Variants in FYB1 observed in about 807,000 individuals in gnomAD.
The protein encoded by FYB1 is FYN binding protein 1.
In FYB1, 41 loss-of-function variants were observed where a neutral mutation model predicts 94.1. That is an observed-to-expected ratio of 0.44 (90% confidence interval 0.34 to 0.57). The LOEUF is 0.57. FYB1 is among the 20% of genes least tolerant of loss of function. FYB1 has a pLI of 0.02. For missense variants in FYB1, 1,050 were observed against 976.8 expected (o/e 1.07, Z -1.00); for synonymous variants, 367 against 353.2 (o/e 1.04, Z -0.44).
chr5:39,255,914 C>A (rs1364559000), intron 1 of FYB1, among the ~76,000 whole-genome samples: 1 of 152,208 alleles, frequency 6.6e-6, no homozygotes, highest in East Asian at 1.9e-4. Flanking sequence ...AAGGCTTCCA[C>A]ACTCAACCAG....
intron 1 of FYB1, among the ~76,000 whole-genome samples, chr5:39,256,045 G>T (rs1223411138): frequency 6.6e-6 from 1 of 152,152 alleles, no homozygotes; most frequent in African/African-American, 2.4e-5. Flanking sequence ...CCGTTAAATA[G>T]AATCTTTCTT....
chr5:39,195,761 A>T (rs1043039787), intron 2 of FYB1, among the ~76,000 whole-genome samples: 2 of 152,248 alleles, frequency 1.3e-5, no homozygotes, highest in Admixed American at 1.3e-4. Flanking sequence ...ACCAATAGTC[A>T]GGCCAGGGAT....
intron 3 of FYB1, among the ~76,000 whole-genome samples, chr5:39,145,598 T>G (rs1742571861): frequency 6.6e-6 from 1 of 152,158 alleles, no homozygotes. Context: ...CATTACTAAT[T>G]TTGATGAATT....
intron 1 of FYB1, chr5:39,270,424 T>C (rs1308656185): frequency 6.4e-6 from 4 of 628,798 alleles, no homozygotes; most frequent in East Asian, 2.8e-5. Flanking sequence ...AGCAGCTTCA[T>C]CAGCACAAGG....
In FYB1 at chr5:39,245,892, G is replaced by A. The variant is rs573412549; in HGVS notation, c.-28+28511C>T. On this transcript the variant is annotated intron_variant, in intron 1 of 1. Coordinates refer to the FYB1 transcript ENST00000510188. ...TGGGATTACAGGCATGAGCCACTGC[G>A]TCTGGCCTGGAACAGGCTTTTGTAC... 5.5e-4 allele frequency among the ~76,000 whole-genome samples: 84 copies of A among 152,316 alleles called. 2 individuals carry two copies. The South Asian group carries it at 0.017, about 30-fold the overall frequency.
chr5:39,163,117 C>T (rs577148446), intron 2 of FYB1, among the ~76,000 whole-genome samples: 5 of 152,218 alleles, frequency 3.3e-5, no homozygotes, highest in African/African-American at 1.2e-4. Context: ...GGACTTGAAA[C>T]GCCTGGGTCA....
chr5:39,258,262 C>T (rs1752050931), intron 1 of FYB1, among the ~76,000 whole-genome samples: 1 of 152,074 alleles, frequency 6.6e-6, no homozygotes, highest in Non-Finnish European at 1.5e-5. Context: ...TGTTGATTTA[C>T]TCAATACCAT....
intron 1 of FYB1, among the ~76,000 whole-genome samples, chr5:39,237,424 T>C (rs1751014302): frequency 1.3e-5 from 2 of 152,088 alleles, no homozygotes. Flanking sequence ...GAGTTGAGAT[T>C]GATCCACTAA....
intron 9 of FYB1, among the ~76,000 whole-genome samples, chr5:39,131,718 T>TGCATGAA (rs1187151746): frequency 3.9e-5 from 6 of 152,200 alleles, no homozygotes; most frequent in Non-Finnish European, 5.9e-5. Flanking sequence ...CTGAGCATGA[T>TGCATGAA]GCATGAAGCA....
rs1225035102 is a variant in FYB1, at chr5:39,134,211, C to T, written c.1814G>A (p.Ser605Asn). ...TACAATACGTACTTGCACATACCTG[C>T]TAATATCATCCTGCTCTGCAACATC... ...YDDVAEQDDISSHSQSGSGGI... is the reference protein window; with the variant it reads ...YDDVAEQDDINSHSQSGSGGI... Residue 605 changes from serine (S) to asparagine (N), a missense_variant, in exon 9 of 19, where the codon AGC becomes AAC. Ser to Asn is a conservative substitution (Grantham distance 46, BLOSUM62 1). Transcript: ENST00000512982. 5.0e-6 allele frequency: 8 copies of T among 1,608,158 alleles called. No homozygotes were observed. The highest frequency in any genetic ancestry group is 1.1e-5 in the South Asian group (1 of 90,866).
At chr5:39,209,979 G>T (rs149474113) in intron 1 of FYB1, among the ~76,000 whole-genome samples, 2 of 152,198 alleles carry the variant, frequency 1.3e-5, no homozygotes, top group African/African-American at 4.8e-5. Context: ...GCTGAGCCTC[G>T]GAGGCTGGAG....
intron 2 of FYB1, among the ~76,000 whole-genome samples, chr5:39,178,594 G>A (rs1419315118): frequency 1.3e-5 from 2 of 152,140 alleles, no homozygotes; most frequent in African/African-American, 4.8e-5. Context: ...GAGGTAATGT[G>A]GAGAGAGACG....
intron 1 of FYB1, among the ~76,000 whole-genome samples, chr5:39,254,159 C>G (rs1458455986): frequency 6.6e-6 from 1 of 152,120 alleles, no homozygotes; most frequent in Non-Finnish European, 1.5e-5. Flanking sequence ...AGAACACACA[C>G]GTGCATGTAT....
At chr5:39,201,604 A>G (rs538738316) in intron 2 of FYB1, among the ~76,000 whole-genome samples, 24 of 152,238 alleles carry the variant, frequency 1.6e-4, no homozygotes, top group Non-Finnish European at 2.5e-4. Context: ...CCTTCCCCCA[A>G]CAAAACCCCA....
At chr5:39,270,568 C>T (rs1752632851) in intron 1 of FYB1, 2 of 1,534,930 alleles carry the variant, frequency 1.3e-6, no homozygotes, top group East Asian at 2.4e-5. Context: ...CTATTACTTA[C>T]CATTTTTATT....
chr5:39,247,071 C>CATATATATATAT (rs3085950), intron 1 of FYB1, among the ~76,000 whole-genome samples: 15 of 65,620 alleles, frequency 2.3e-4, no homozygotes, highest in South Asian at 6.0e-4. Context: ...AATGCGTGTT[C>CATATATATATAT]ATATATATAT....
Position 39,219,441 on chromosome 5 carries a change from A to C in FYB1, c.-28+2T>G, listed in dbSNP as rs1750123883. ...AAGAAGAAACCTAGGCATAGCTGTT[A>C]CCTGACTCCTGCAGAAGAAGGCGGA... is the stretch of plus-strand genomic sequence containing the variant. On this transcript the variant is annotated splice_donor_variant, in intron 1 of 18. Coordinates refer to ENST00000512982, the MANE Select transcript of FYB1 (RefSeq NM_001465.6). LOFTEE classifies it low-confidence loss of function (5UTR_SPLICE). 1.0e-6 allele frequency: 1 copy of C among 985,416 alleles called. No individual in the cohort carries two copies. Among genetic ancestry groups the C allele is most frequent in the African/African-American group, 1.7e-5 (1 of 57,244 alleles). 61.0% of individuals were successfully genotyped at this position (985,416 alleles called of 1,614,324 possible). A position where few individuals can be genotyped will look rare whatever the true frequency, so the allele number is the denominator to read the frequency against.
intron 2 of FYB1, among the ~76,000 whole-genome samples, chr5:39,166,890 C>T (rs1744787458): frequency 6.6e-6 from 1 of 151,856 alleles, no homozygotes; most frequent in African/African-American, 2.4e-5. Flanking sequence ...AATAAAAGCC[C>T]AGACTTCATT....
chr5:39,197,595 G>A (rs1356068383), intron 2 of FYB1, among the ~76,000 whole-genome samples: 2 of 152,226 alleles, frequency 1.3e-5, no homozygotes, highest in South Asian at 2.1e-4. Context: ...GACAGGTAAT[G>A]GGGAAAGCAA....
Sources: gnomAD v4.1 joint callset for allele counts (sites outside exome capture counted in the v4.1 genomes callset) on GRCh38, gnomAD v4.1.1 for gene constraint, MANE v1.5 for transcripts, NCBI Gene and HGNC (gene_info 2026-07-23, HGNC 2026-07-21) for gene names.